CRPPA: variants seen among roughly 807,000 people sequenced by gnomAD.
CRPPA encodes D-ribitol-5-phosphate cytidylyltransferase.
In CRPPA, 43 loss-of-function variants were observed where a neutral mutation model predicts 52.0. The ratio of observed to expected loss-of-function variants is 0.83; its 90% CI spans 0.65 to 1.07. The LOEUF (loss-of-function observed/expected upper bound fraction) is 1.07, where lower values mean the gene tolerates loss of function less well. Among genes scored for constraint, CRPPA ranks in the 50% least tolerant of loss-of-function variants. The pLI is 0.00. For missense variants in CRPPA, 629 were observed against 551.7 expected (o/e 1.14, Z -1.40); for synonymous variants, 250 against 203.5 (o/e 1.23, Z -1.94).
At chr7:16,396,826 A>C (rs2128315933) in intron 2 of CRPPA, among the ~76,000 whole-genome samples, 1 of 152,386 alleles carries the variant, frequency 6.6e-6, no homozygotes, top group Admixed American at 6.5e-5. Flanking sequence ...TGTGTGATGG[A>C]ATACGCTATA....
chr7:16,203,545 T>G (rs975222720), intron 9 of CRPPA, among the ~76,000 whole-genome samples: 2 of 152,210 alleles, frequency 1.3e-5, no homozygotes, highest in African/African-American at 4.8e-5. Context: ...CAGTATATTT[T>G]ATAGTACATG....
chr7:16,189,975 A>C (rs1357993074), intron 9 of CRPPA, among the ~76,000 whole-genome samples: 7 of 152,172 alleles, frequency 4.6e-5, no homozygotes, highest in Admixed American at 4.6e-4. Flanking sequence ...TAAAAAATCC[A>C]ATATTAGATA....
At chr7:16,296,113 A>G (rs939409939) in intron 5 of CRPPA, among the ~76,000 whole-genome samples, 1 of 152,194 alleles carries the variant, frequency 6.6e-6, no homozygotes, top group African/African-American at 2.4e-5. Flanking sequence ...CACTTTCTAT[A>G]CATGTTTCTT....
intron 3 of CRPPA, among the ~76,000 whole-genome samples, chr7:16,368,637 G>C (rs1049564420): frequency 2.6e-5 from 4 of 152,066 alleles, no homozygotes; most frequent in African/African-American, 9.7e-5. Context: ...TTATATATTA[G>C]TTTCTCAGTA....
At chr7:16,191,526 C>T (rs1490833498) in intron 9 of CRPPA, among the ~76,000 whole-genome samples, 1 of 152,062 alleles carries the variant, frequency 6.6e-6, no homozygotes, top group Non-Finnish European at 1.5e-5. Flanking sequence ...TAAGAATTGC[C>T]TCGGCACTGT....
rs536072208 is a variant in CRPPA, at chr7:16,195,331, T to G, written c.1251+20735A>C. ...AGATTTTGCCTTTTTTTAAAAAGGG[T>G]TGATATTTAAGTTGACTCACTCTCT... On this transcript the variant is annotated intron_variant, in intron 9 of 9. Coordinates refer to ENST00000407010, the MANE Select transcript of CRPPA (RefSeq NM_001101426.4). Among the ~76,000 whole-genome samples the G allele has an allele frequency of 8.5e-5, 13 of 152,122 alleles. No homozygotes were observed. The East Asian group carries it at 2.5e-3, about 30-fold the overall frequency.
intron 1 of CRPPA, among the ~76,000 whole-genome samples, chr7:16,418,565 A>G (rs1017811887): frequency 6.6e-6 from 1 of 152,176 alleles, no homozygotes; most frequent in African/African-American, 2.4e-5. Flanking sequence ...GGTGAAGGGA[A>G]AGGAAGGTGC....
At chr7:16,106,983 C>T (rs547345708) in intron 9 of CRPPA, among the ~76,000 whole-genome samples, 1 of 151,968 alleles carries the variant, frequency 6.6e-6, no homozygotes, top group East Asian at 1.9e-4. Context: ...AGTGACTGAT[C>T]TGAAAAACTC....
chr7:16,119,000 A>G (rs1000624835), intron 9 of CRPPA, among the ~76,000 whole-genome samples: 1 of 151,976 alleles, frequency 6.6e-6, no homozygotes, highest in Admixed American at 6.6e-5. Context: ...TCCTCAGACA[A>G]CCTCTGCCCC....
intron 3 of CRPPA, among the ~76,000 whole-genome samples, chr7:16,356,121 AT>A (rs1338184350): frequency 7.2e-5 from 11 of 152,198 alleles, no homozygotes; most frequent in African/African-American, 1.9e-4. Flanking sequence ...TGAAAAAAAA[AT>A]GTATGTTTAT....
chr7:16,371,805 T>A (rs1346103659), intron 3 of CRPPA, among the ~76,000 whole-genome samples: 1 of 151,980 alleles, frequency 6.6e-6, no homozygotes, highest in Non-Finnish European at 1.5e-5. Flanking sequence ...ACTTAAAGAC[T>A]TTTTTTAAAT....
chr7:16,227,051 C>A (rs1483608529), intron 8 of CRPPA, among the ~76,000 whole-genome samples: 1 of 151,874 alleles, frequency 6.6e-6, no homozygotes, highest in Non-Finnish European at 1.5e-5. Context: ...GATTCAGCCA[C>A]GTTGTTGCAA....
At chr7:16,194,675 T>C (rs1452560758) in intron 9 of CRPPA, among the ~76,000 whole-genome samples, 1 of 152,068 alleles carries the variant, frequency 6.6e-6, no homozygotes, top group Non-Finnish European at 1.5e-5. Context: ...CACAAACCAA[T>C]TGAATTGCAG....
chr7:16,180,344 T>C (rs1781385966), intron 9 of CRPPA, among the ~76,000 whole-genome samples: 1 of 152,094 alleles, frequency 6.6e-6, no homozygotes, highest in Non-Finnish European at 1.5e-5. Context: ...CTACACTATA[T>C]TTTCCATAAC....
chr7:16,282,966 G>T (rs1415367149), intron 5 of CRPPA, among the ~76,000 whole-genome samples: 2 of 151,936 alleles, frequency 1.3e-5, no homozygotes, highest in African/African-American at 4.8e-5. Context: ...AATTTCAACT[G>T]GTTGCACATC....
chr7:16,368,701 G>A (rs747386604), intron 3 of CRPPA, among the ~76,000 whole-genome samples: 1 of 152,036 alleles, frequency 6.6e-6, no homozygotes, highest in Non-Finnish European at 1.5e-5. Context: ...AATTTTTAGT[G>A]ACCCTTTAAA....
At chr7:16,362,221 A>G (rs1367184641) in intron 3 of CRPPA, among the ~76,000 whole-genome samples, 1 of 152,190 alleles carries the variant, frequency 6.6e-6, no homozygotes, top group African/African-American at 2.4e-5. Context: ...AATACCACAG[A>G]CCGGGTAGTT....
intron 3 of CRPPA, among the ~76,000 whole-genome samples, chr7:16,345,164 C>G (rs1785979965): frequency 6.6e-6 from 1 of 152,098 alleles, no homozygotes; most frequent in African/African-American, 2.4e-5. Context: ...TACTTCTCAT[C>G]AGAAGTCATG....
At chr7:16,256,557 T>C (rs541819159) in intron 8 of CRPPA, among the ~76,000 whole-genome samples, 169 of 152,240 alleles carry the variant, frequency 1.1e-3, no homozygotes, top group African/African-American at 4.0e-3. Flanking sequence ...ATATGGCACA[T>C]ACACACCATG....
Sources: allele counts gnomAD v4.1 joint callset (sites outside exome capture counted in the v4.1 genomes callset), GRCh38; gene constraint gnomAD v4.1.1; transcripts MANE v1.5; gene names NCBI Gene and HGNC (gene_info 2026-07-23, HGNC 2026-07-21).